SLC26A8: variants seen among roughly 807,000 people sequenced by gnomAD.
SLC26A8 encodes solute carrier family 26 member 8.
Under a neutral mutation model 105.0 loss-of-function variants are expected in SLC26A8, and 70 were observed. The ratio of observed to expected loss-of-function variants is 0.67; its 90% CI spans 0.55 to 0.81. The LOEUF (loss-of-function observed/expected upper bound fraction) is 0.81, where lower values mean the gene tolerates loss of function less well. Among genes scored for constraint, SLC26A8 ranks in the 40% least tolerant of loss-of-function variants. The pLI, the probability that SLC26A8 is intolerant of heterozygous loss-of-function variation, is 0.00. For synonymous variants in SLC26A8, 415 were observed against 438.3 expected (o/e 0.95, Z 0.66); for missense variants, 998 against 1,181.8 (o/e 0.84, Z 2.28).
intron 2 of SLC26A8, among the ~76,000 whole-genome samples, chr6:36,017,614 A>T (rs1294840101): frequency 6.7e-6 from 1 of 148,156 alleles, no homozygotes; most frequent in Admixed American, 6.9e-5. Flanking sequence ...CCTGGGCAAC[A>T]AGAGTGAAAT....
Position 36,012,250 on chromosome 6 carries a change from A to G in SLC26A8, c.311T>C (p.Leu104Pro). Residue 104 changes from leucine to proline, a missense_variant, in exon 3 of 20, where the codon CTT becomes CCT. Leu to Pro is a moderately conservative substitution (Grantham distance 98). Transcript: ENST00000490799. The stretch of plus-strand genomic sequence containing the variant: ...TTCCTTACCTTGGGGAACTTGCACA[A>G]GGCCAACACTTATACCAGCAAGTAA... Reference protein sequence around the residue: ...GDLLAGISVGLVQVPQGLTLS... With the variant: ...GDLLAGISVGPVQVPQGLTLS... 1 of 1,612,470 alleles carries G rather than the reference A, an allele frequency of 6.2e-7. No individual in the cohort carries two copies. Among genetic ancestry groups the G allele is most frequent in the Non-Finnish European group, 8.5e-7 (1 of 1,179,458 alleles).
intron 10 of SLC26A8, among the ~76,000 whole-genome samples, chr6:35,970,971 A>C (rs1772775838): frequency 6.6e-6 from 1 of 152,098 alleles, no homozygotes; most frequent in South Asian, 2.1e-4. Context: ...GAGGTTGCAG[A>C]GCCAAGACCT....
chr6:35,994,924 G>C (rs1445769665), intron 5 of SLC26A8, among the ~76,000 whole-genome samples: 1 of 152,284 alleles, frequency 6.6e-6, no homozygotes, highest in East Asian at 1.9e-4. Context: ...TTTAAGGAGT[G>C]TGGTGAAAAA....
intron 11 of SLC26A8, among the ~76,000 whole-genome samples, chr6:35,964,704 G>C (rs1358499161): frequency 2.0e-5 from 3 of 151,804 alleles, no homozygotes; most frequent in Non-Finnish European, 4.4e-5. Flanking sequence ...GGTGGATCAC[G>C]CCTGTAATCC....
At chr6:35,968,653 A>C (rs1432263890) in intron 11 of SLC26A8, among the ~76,000 whole-genome samples, 95 of 97,382 alleles carry the variant, frequency 9.8e-4, no homozygotes, top group African/African-American at 2.9e-3. Context: ...ATATATATAT[A>C]TCTCACATCA....
At chr6:35,968,802 C>A (rs1051532356) in intron 11 of SLC26A8, 75 bp downstream of exon 11, 5 of 524,134 alleles carry the variant, frequency 9.5e-6, no homozygotes, top group Admixed American at 3.5e-5. Context: ...CCCCTTACCC[C>A]CCGCACACAC....
intron 8 of SLC26A8, among the ~76,000 whole-genome samples, chr6:35,979,563 C>G (rs1420254806): frequency 6.6e-6 from 1 of 152,180 alleles, no homozygotes; most frequent in Non-Finnish European, 1.5e-5. Context: ...TGAATGCTTA[C>G]AGGTAGGTAT....
At chr6:36,007,349 C>T (rs2127364600) in intron 3 of SLC26A8, among the ~76,000 whole-genome samples, 1 of 152,156 alleles carries the variant, frequency 6.6e-6, no homozygotes, top group African/African-American at 2.4e-5. Flanking sequence ...GAGACTGAAC[C>T]ATCATTTAAA....
chr6:35,968,699 C>T (rs530028531), intron 11 of SLC26A8, among the ~76,000 whole-genome samples, 178 bp downstream of exon 11: 82 of 133,028 alleles, frequency 6.2e-4, no homozygotes, highest in African/African-American at 2.0e-3. Context: ...ATACTATTAT[C>T]TTGAATGAAA....
chr6:35,996,244 C>T (rs1761347492), intron 5 of SLC26A8, among the ~76,000 whole-genome samples: 1 of 152,204 alleles, frequency 6.6e-6, no homozygotes, highest in East Asian at 1.9e-4. Flanking sequence ...CCCAATAAAT[C>T]TTTACTTAGT....
chr6:35,980,538 GTTA>G (rs1223344720), intron 8 of SLC26A8, among the ~76,000 whole-genome samples: 2 of 152,082 alleles, frequency 1.3e-5, no homozygotes, highest in African/African-American at 2.4e-5. Flanking sequence ...TGTTGTTCTT[GTTA>G]TTATTTTTTT....
At chr6:35,963,034 G>A (rs548830281) in intron 11 of SLC26A8, among the ~76,000 whole-genome samples, 2 of 152,226 alleles carry the variant, frequency 1.3e-5, no homozygotes, top group South Asian at 2.1e-4. Flanking sequence ...TCAGGCCAAC[G>A]TCAAGGCCTG....
intron 10 of SLC26A8, among the ~76,000 whole-genome samples, chr6:35,973,129 G>A (rs895225151): frequency 2.6e-5 from 4 of 152,038 alleles, no homozygotes; most frequent in Non-Finnish European, 1.5e-5. Flanking sequence ...TTTTCTAGCC[G>A]TGCACATCTT....
At chr6:36,018,451 G>T (rs913953377) in intron 2 of SLC26A8, among the ~76,000 whole-genome samples, 1 of 152,166 alleles carries the variant, frequency 6.6e-6, no homozygotes, top group African/African-American at 2.4e-5. Flanking sequence ...AAGTGAAATA[G>T]CTAGAATAGG....
chr6:35,981,847 GA>G lies in SLC26A8; in HGVS notation c.1025+273del, dbSNP rs935143949. Among the ~76,000 whole-genome samples the G allele has an allele frequency of 3.3e-5, 5 of 151,808 alleles. No homozygotes were observed. Among genetic ancestry groups the G allele is most frequent in the African/African-American group, 9.7e-5 (4 of 41,334 alleles). Reference sequence around the variant, plus strand: ...GTTGAGAAGGCCTATCATGTGCTATGAAAAAAAACATGAGATTCTCTGGTAT... The same window carrying G: ...GTTGAGAAGGCCTATCATGTGCTATGAAAAAAACATGAGATTCTCTGGTAT... On this transcript the variant is annotated intron_variant, in intron 8 of 19. Transcript: ENST00000490799. This position sits in a 1 kb window ranked among gnomAD's most constrained non-coding sequence, Gnocchi z 4.0.
At chr6:35,997,208 C>T (rs558798646) in intron 5 of SLC26A8, among the ~76,000 whole-genome samples, 2 of 152,230 alleles carry the variant, frequency 1.3e-5, no homozygotes, top group Admixed American at 6.5e-5. Context: ...GCAAGCATCA[C>T]TGCCTGAGCT....
chr6:35,988,759 C>A (rs148695636), intron 7 of SLC26A8, among the ~76,000 whole-genome samples: 171 of 151,100 alleles, frequency 1.1e-3, no homozygotes, highest in Non-Finnish European at 2.0e-3. Flanking sequence ...GCCTCAATTT[C>A]TTTGTTATAT....
At chr6:35,988,885 G>A (rs1442800589) in intron 7 of SLC26A8, among the ~76,000 whole-genome samples, 8 of 145,182 alleles carry the variant, frequency 5.5e-5, no homozygotes, top group Non-Finnish European at 1.0e-4. Context: ...CTGTTGCCCA[G>A]GCTGGAGTAC....
chr6:36,000,079 G>C lies in SLC26A8; in HGVS notation c.358C>G (p.Leu120Val), dbSNP rs753364360. 1 of 1,614,044 alleles carries C rather than the reference G, an allele frequency of 6.2e-7. No individual in the cohort carries two copies. The highest frequency in any genetic ancestry group is 2.2e-5 in the East Asian group (1 of 44,868). Residue 120 changes from leucine to valine, a missense_variant, in exon 4 of 20, where the codon CTG becomes GTG. Coordinates refer to ENST00000490799, the MANE Select transcript of SLC26A8 (RefSeq NM_052961.4). ...GLTLSLLARQ[L>V]IPPLNIAYAA... ...TAAGCGATGTTGAGAGGAGGAATCAGTTGCCTTGCCAGCAAACTAAGTGTC... is the reference window on the plus strand; with the variant it reads ...TAAGCGATGTTGAGAGGAGGAATCACTTGCCTTGCCAGCAAACTAAGTGTC...
Sources: gnomAD v4.1 joint callset for allele counts (sites outside exome capture counted in the v4.1 genomes callset) on GRCh38, gnomAD v4.1.1 for gene constraint, Gnocchi (gnomAD v3.1) non-coding constraint, MANE v1.5 for transcripts, NCBI Gene and HGNC (gene_info 2026-07-23, HGNC 2026-07-21) for gene names.